Variants in ANKRD27 observed in about 807,000 individuals in gnomAD.
The protein encoded by ANKRD27 is ankyrin repeat domain 27.
A neutral mutation model predicts 129.7 loss-of-function variants in ANKRD27; 112 were observed. The ratio of observed to expected loss-of-function variants is 0.86; its 90% CI spans 0.74 to 1.01. The LOEUF (loss-of-function observed/expected upper bound fraction) is 1.01, where lower values mean the gene tolerates loss of function less well. ANKRD27 is among the 50% of genes least tolerant of loss of function. The pLI, the probability that ANKRD27 is intolerant of heterozygous loss-of-function variation, is 0.00. For synonymous variants in ANKRD27, 516 were observed against 511.2 expected, an observed-to-expected ratio of 1.01 and a Z score of -0.13; for missense variants, 1,258 against 1,300.5, an observed-to-expected ratio of 0.97 and a Z score of 0.50.
At chr19:32,599,296 A>T (rs572390964) in intron 28 of ANKRD27, among the ~76,000 whole-genome samples, 11 of 150,684 alleles carry the variant, frequency 7.3e-5, no homozygotes, top group East Asian at 4.1e-4. Flanking sequence ...AATAAATAAA[A>T]AAATGTAGTG....
intron 18 of ANKRD27, among the ~76,000 whole-genome samples, 191 bp downstream of exon 18, chr19:32,622,231 G>A (rs958474067): frequency 5.9e-5 from 9 of 152,074 alleles, no homozygotes; most frequent in Non-Finnish European, 1.2e-4. Context: ...TGAGAAAAAC[G>A]CCCACTCAAA....
intron 1 of ANKRD27, among the ~76,000 whole-genome samples, chr19:32,667,073 C>T (rs975561528): frequency 1.3e-5 from 2 of 152,248 alleles, no homozygotes; most frequent in African/African-American, 4.8e-5. Flanking sequence ...CCTTCACTAT[C>T]TGTGACATGC....
At chr19:32,623,778 T>C (rs1464412885) in intron 17 of ANKRD27, among the ~76,000 whole-genome samples, 1 of 151,932 alleles carries the variant, frequency 6.6e-6, no homozygotes, top group Non-Finnish European at 1.5e-5. Flanking sequence ...CTTGAACTCC[T>C]GACCTCAGGC....
intron 18 of ANKRD27, among the ~76,000 whole-genome samples, chr19:32,620,895 A>C (rs1227420985): frequency 6.6e-6 from 1 of 150,586 alleles, no homozygotes; most frequent in African/African-American, 2.4e-5. Flanking sequence ...CAAAAAAAAA[A>C]AAAAAAAAAA....
chr19:32,641,049 C>T (rs1276804991), intron 10 of ANKRD27, among the ~76,000 whole-genome samples: 1 of 152,036 alleles, frequency 6.6e-6, no homozygotes, highest in African/African-American at 2.4e-5. Flanking sequence ...CAGGTGCCCG[C>T]CACCATGCCC....
chr19:32,629,418 T>G (rs972183198), intron 13 of ANKRD27, among the ~76,000 whole-genome samples: 1 of 151,582 alleles, frequency 6.6e-6, no homozygotes, highest in Non-Finnish European at 1.5e-5. Flanking sequence ...AACAATGACA[T>G]GCCTGGAGCG....
chr19:32,647,597 C>A (rs994523842), intron 3 of ANKRD27, among the ~76,000 whole-genome samples: 1 of 152,334 alleles, frequency 6.6e-6, no homozygotes, highest in East Asian at 1.9e-4. Context: ...GGCGCTGTGA[C>A]AGGGAGAGGA....
intron 22 of ANKRD27, among the ~76,000 whole-genome samples, chr19:32,613,658 A>T (rs1971865920): frequency 1.3e-5 from 2 of 152,118 alleles, no homozygotes; most frequent in East Asian, 3.9e-4. Context: ...AACGGAGTGA[A>T]GAAAGTCAAT....
intron 22 of ANKRD27, among the ~76,000 whole-genome samples, chr19:32,614,287 G>A (rs1468202958): frequency 2.0e-5 from 3 of 152,112 alleles, no homozygotes; most frequent in Non-Finnish European, 4.4e-5. Context: ...AGGATTTAAA[G>A]ACCAATTCTA....
At chr19:32,669,848 T>C (rs1171392468) in intron 1 of ANKRD27, among the ~76,000 whole-genome samples, 2 of 151,612 alleles carry the variant, frequency 1.3e-5, no homozygotes, top group Non-Finnish European at 2.9e-5. Flanking sequence ...AATACAAAAA[T>C]TAGCTGGGCG....
intron 17 of ANKRD27, among the ~76,000 whole-genome samples, chr19:32,622,830 T>G (rs1174583466): frequency 6.6e-6 from 1 of 152,144 alleles, no homozygotes; most frequent in Non-Finnish European, 1.5e-5. Flanking sequence ...CAGGTTGCAG[T>G]GCAGTGATGC....
At chr19:32,658,791 A>G in intron 2 of ANKRD27, 123 bp downstream of exon 2, 1 of 856,156 alleles carries the variant, frequency 1.2e-6, no homozygotes, top group Non-Finnish European at 1.9e-6. Context: ...TCACAGACCA[A>G]GCACACTGCT....
rs763768023 is a variant in ANKRD27, at chr19:32,649,753, G to C, written c.142C>G (p.Gln48Glu). The part of the protein sequence containing the change: ...PCKGSLSSSI[Q>E]STCQFESYIL... ...TAGGACTCAAACTGACAAGTAGACT[G>C]GATGCTGCTCGACAGGCTTCCTTTG... Residue 48 changes from glutamine to glutamate, a missense_variant, in exon 3 of 29, where the codon CAG becomes GAG. Physicochemically the swap from Gln to Glu is conservative, Grantham distance 29 (BLOSUM62 2). Transcript: ENST00000306065. The C allele has an allele frequency of 2.5e-6, 4 of 1,614,066 alleles. No individual in the cohort carries two copies. The highest frequency in any genetic ancestry group is 3.4e-6 in the Non-Finnish European group (4 of 1,179,996).
intron 1 of ANKRD27, among the ~76,000 whole-genome samples, chr19:32,673,889 G>A (rs1967921578): frequency 6.6e-6 from 1 of 151,626 alleles, no homozygotes; most frequent in Non-Finnish European, 1.5e-5. Context: ...GCTAGTGCCT[G>A]TAATCCCAAC....
intron 1 of ANKRD27, among the ~76,000 whole-genome samples, chr19:32,660,218 C>T (rs1411632061): frequency 6.6e-6 from 1 of 152,232 alleles, no homozygotes; most frequent in African/African-American, 2.4e-5. Context: ...GATTAGGTTA[C>T]AAAGGCAGAG....
Position 32,599,977 on chromosome 19 carries a change from C to G in ANKRD27, c.2841G>C (p.Gln947His), listed in dbSNP as rs1298971558. ...AACTTGAGTTTCATACTCACTTAAA[C>G]TGACCAGCTGAGTGGACAAAGTAAA... ...RQFYFVHSAG[Q>H]FKGKTSREIM... Residue 947 changes from glutamine (Q) to histidine (H), a missense_variant, in exon 27 of 29, where the codon CAG becomes CAC. By Grantham distance (24) the Gln-to-His change is conservative. Coordinates refer to ENST00000306065, the MANE Select transcript of ANKRD27 (RefSeq NM_032139.3). 6.2e-7 allele frequency: 1 copy of G among 1,611,962 alleles called. No homozygotes were observed. The highest frequency in any genetic ancestry group is 2.2e-5 in the East Asian group (1 of 44,856).
At chr19:32,604,524 T>C in intron 24 of ANKRD27, 100 bp from the exon 25 acceptor site, 1 of 1,220,286 alleles carries the variant, frequency 8.2e-7, no homozygotes, top group African/African-American at 1.5e-5. Flanking sequence ...ACATTGTTTT[T>C]TTTATGTCTG....
rs368490549 is a variant in ANKRD27, at chr19:32,643,349, A to T, written c.643T>A (p.Tyr215Asn). 1.2e-6 allele frequency: 2 copies of T among 1,613,838 alleles called. No homozygotes were observed. Among genetic ancestry groups the T allele is most frequent in the East Asian group, 2.2e-5 (1 of 44,878 alleles). Reference sequence around the variant, plus strand: ...AGGTTGTAAATTTCATGATGGACGTATATCTGTGGAATCAACAGACCCCAT... The same window carrying T: ...AGGTTGTAAATTTCATGATGGACGTTTATCTGTGGAATCAACAGACCCCAT... ...MNLMKQAVEIYVHHEIYNLIF... is the reference protein window; with the variant it reads ...MNLMKQAVEINVHHEIYNLIF... Residue 215 changes from tyrosine to asparagine, a missense_variant, in exon 8 of 29, where the codon TAC becomes AAC. By Grantham distance (143) the Tyr-to-Asn change is moderately radical (BLOSUM62 -2). Transcript: ENST00000306065.
Position 32,639,439 on chromosome 19 carries a change from T to A in ANKRD27, c.1033A>T (p.Lys345Ter). Residue 345 changes from lysine to a stop codon, truncating the protein, a stop_gained, in exon 12 of 29, where the codon AAG becomes TAG. Coordinates refer to ENST00000306065, the MANE Select transcript of ANKRD27 (RefSeq NM_032139.3). LOFTEE classifies it high-confidence loss of function. Reference sequence around the variant, plus strand: ...GTCAGGCAGTATCCCAGTTCATCCTTTGCCAAGCTGCTAAACCTGAAGTTT... The same window carrying A: ...GTCAGGCAGTATCCCAGTTCATCCTATGCCAAGCTGCTAAACCTGAAGTTT... ...IKNFRFSSLA[K>*]DELGYCLTSF... 6.2e-7 allele frequency: 1 copy of A among 1,614,144 alleles called. No individual in the cohort carries two copies. The highest frequency in any genetic ancestry group is 8.5e-7 in the Non-Finnish European group (1 of 1,180,008).
Sources: allele counts gnomAD v4.1 joint callset (sites outside exome capture counted in the v4.1 genomes callset), GRCh38; gene constraint gnomAD v4.1.1; transcripts MANE v1.5; gene names NCBI Gene and HGNC (gene_info 2026-07-23, HGNC 2026-07-21).